Variants in PACSIN2 observed in about 807,000 individuals in gnomAD.
PACSIN2 encodes protein kinase C and casein kinase substrate in neurons 2, also known as protein kinase C and casein kinase substrate in neurons protein 2.
A neutral mutation model predicts 63.8 loss-of-function variants in PACSIN2; 25 were observed. The ratio of observed to expected loss-of-function variants is 0.39; its 90% CI spans 0.29 to 0.55. PACSIN2 has a LOEUF of 0.55. PACSIN2 is among the 20% of genes least tolerant of loss of function. The pLI is 0.62. For missense variants in PACSIN2, 518 were observed against 646.9 expected, an observed-to-expected ratio of 0.80 and a Z score of 2.16; for synonymous variants, 255 against 256.2, an observed-to-expected ratio of 1.00 and a Z score of 0.05.
chr22:42,948,441 A>C (rs1933529170), intron 1 of PACSIN2, among the ~76,000 whole-genome samples: 1 of 152,224 alleles, frequency 6.6e-6, no homozygotes, highest in Non-Finnish European at 1.5e-5. Flanking sequence ...ATACCTTCTC[A>C]ACCAGTACTA....
In PACSIN2 at chr22:42,927,943, C is replaced by T. The variant is rs577677245; in HGVS notation, c.-77-15786G>A. On this transcript the variant is annotated intron_variant, in intron 1 of 10. Transcript: ENST00000263246. ...GTCATGGTCCCATACTCCACTGAGC[C>T]GAGCCCTCATGTCCAGATGTTTGGG... is the stretch of plus-strand genomic sequence containing the variant. Among the ~76,000 whole-genome samples, 10 of 152,260 alleles carry T rather than the reference C, an allele frequency of 6.6e-5. No homozygotes were observed. In the South Asian group the frequency reaches 1.9e-3, roughly 28 times the overall value.
chr22:42,947,509 A>G (rs1933477616), intron 1 of PACSIN2, among the ~76,000 whole-genome samples: 1 of 152,126 alleles, frequency 6.6e-6, no homozygotes, highest in Non-Finnish European at 1.5e-5. Flanking sequence ...CCTACCCAAC[A>G]GTCTGATGAG....
At chr22:42,993,253 T>G (rs552568429) in intron 1 of PACSIN2, among the ~76,000 whole-genome samples, 3 of 151,416 alleles carry the variant, frequency 2.0e-5, no homozygotes, top group African/African-American at 7.3e-5. Flanking sequence ...AAAATGCAAA[T>G]GATTCTACAG....
chr22:43,013,015 G>C (rs559265461), intron 1 of PACSIN2, among the ~76,000 whole-genome samples: 1 of 152,020 alleles, frequency 6.6e-6, no homozygotes, highest in South Asian at 2.1e-4. Flanking sequence ...TGGTCTCTAA[G>C]TTCTGACCTC....
chr22:42,940,682 C>T (rs1027354772), intron 1 of PACSIN2, among the ~76,000 whole-genome samples: 2 of 152,208 alleles, frequency 1.3e-5, no homozygotes, highest in Admixed American at 1.3e-4. Flanking sequence ...CTGCCACCGC[C>T]ACCACCTCCT....
intron 1 of PACSIN2, among the ~76,000 whole-genome samples, chr22:43,010,399 T>TATATATATATATATATATATATATA (rs1388431678): frequency 3.4e-4 from 11 of 32,486 alleles, no homozygotes; most frequent in Admixed American, 1.2e-3. Flanking sequence ...TATATATATA[T>TATATATATATATATATATATATATA]TTTTTTTTAA....
intron 1 of PACSIN2, among the ~76,000 whole-genome samples, chr22:42,920,793 CTTTTTTTTTTT>C (rs745822264): frequency 1.8e-4 from 14 of 77,656 alleles, no homozygotes; most frequent in Admixed American, 5.3e-4. Flanking sequence ...AATTATCACA[CTTTTTTTTTTT>C]TTTTTTTTTT....
chr22:42,998,216 T>G (rs926017524), intron 1 of PACSIN2, among the ~76,000 whole-genome samples: 4 of 152,168 alleles, frequency 2.6e-5, no homozygotes, highest in Non-Finnish European at 5.9e-5. Flanking sequence ...ACATCAATGC[T>G]CCCAGAGAAC....
chr22:42,986,285 G>A (rs1032520292), intron 1 of PACSIN2, among the ~76,000 whole-genome samples: 2 of 152,178 alleles, frequency 1.3e-5, no homozygotes, highest in South Asian at 2.1e-4. Context: ...CAGCCACGAC[G>A]CTGGGCTGCA....
At chr22:42,872,047 G>T (rs2858548) in intron 10 of PACSIN2, among the ~76,000 whole-genome samples, 1 of 152,238 alleles carries the variant, frequency 6.6e-6, no homozygotes, top group Non-Finnish European at 1.5e-5. Flanking sequence ...CTGAGAAGGA[G>T]CCCCTGGCGC....
In PACSIN2 at chr22:42,884,482, A is replaced by C. The variant is rs1929326983; in HGVS notation, c.689T>G (p.Phe230Cys). Residue 230 changes from phenylalanine (F) to cysteine (C), a missense_variant, in exon 6 of 11, where the codon TTT becomes TGT. Transcript: ENST00000263246. Reference sequence around the variant, plus strand: ...CTCCTCGAACTGCTGGCACTGCTCAAACACCTGCTCCATGTTCTCCATGTA... The same window carrying C: ...CTCCTCGAACTGCTGGCACTGCTCACACACCTGCTCCATGTTCTCCATGTA... ...PQYMENMEQV[F>C]EQCQQFEEKR... The C allele has an allele frequency of 4.3e-6, 7 of 1,614,138 alleles. No homozygotes were observed. Among genetic ancestry groups the C allele is most frequent in the Non-Finnish European group, 5.9e-6 (7 of 1,179,996 alleles).
intron 1 of PACSIN2, among the ~76,000 whole-genome samples, chr22:43,014,669 A>C (rs1362840101): frequency 6.7e-6 from 1 of 148,606 alleles, no homozygotes; most frequent in Non-Finnish European, 1.5e-5. Flanking sequence ...AGCAGCTCTT[A>C]ACCCCCGACG....
intron 1 of PACSIN2, among the ~76,000 whole-genome samples, chr22:42,947,344 G>A (rs1335235204): frequency 6.6e-6 from 1 of 152,156 alleles, no homozygotes; most frequent in East Asian, 1.9e-4. Context: ...AGTGGCCCCA[G>A]GTCAACGCTT....
intron 2 of PACSIN2, among the ~76,000 whole-genome samples, chr22:42,911,257 G>A (rs1341900547): frequency 6.6e-6 from 1 of 151,648 alleles, no homozygotes; most frequent in Admixed American, 6.6e-5. Context: ...TTTGCCACAG[G>A]GACAAAATTA....
rs375987232 is a variant in PACSIN2 at position 42,963,624 on chromosome 22, C to A, written c.-78+51397G>T. Among the ~76,000 whole-genome samples the A allele has an allele frequency of 1.6e-3, 243 of 152,270 alleles. 1 individual carries two copies. The highest frequency in any genetic ancestry group is 2.9e-3 in the Non-Finnish European group (198 of 68,010). ...CATTTGAAACACTATAAGATAGGTA[C>A]TCCTAGCCCTGTTTTACAGGGAAGG... On this transcript the variant is annotated intron_variant, in intron 1 of 10. Transcript: ENST00000263246.
chr22:42,938,096 A>G (rs1932989488), intron 1 of PACSIN2, among the ~76,000 whole-genome samples: 1 of 152,208 alleles, frequency 6.6e-6, no homozygotes, highest in Non-Finnish European at 1.5e-5. Flanking sequence ...ATTTAAGTCG[A>G]GCAAAATTTA....
intron 1 of PACSIN2, among the ~76,000 whole-genome samples, chr22:42,924,374 C>T (rs946199931): frequency 3.3e-5 from 5 of 152,232 alleles, no homozygotes; most frequent in Non-Finnish European, 7.3e-5. Flanking sequence ...TAATTTCATA[C>T]TTGTACATAC....
chr22:42,917,670 G>A (rs919033296), intron 1 of PACSIN2, among the ~76,000 whole-genome samples: 4 of 152,136 alleles, frequency 2.6e-5, no homozygotes, highest in Admixed American at 6.5e-5. Flanking sequence ...GCGGTGTGCC[G>A]TGATGAACTA....
chr22:42,965,485 C>T (rs1488407294), intron 1 of PACSIN2, among the ~76,000 whole-genome samples: 1 of 152,132 alleles, frequency 6.6e-6, no homozygotes, highest in Non-Finnish European at 1.5e-5. Flanking sequence ...AAGAAAAGCC[C>T]CCAGCAGAAG....
Sources: allele counts gnomAD v4.1 joint callset (sites outside exome capture counted in the v4.1 genomes callset), GRCh38; gene constraint gnomAD v4.1.1; transcripts MANE v1.5; gene names NCBI Gene and HGNC (gene_info 2026-07-23, HGNC 2026-07-21).